SLC25A17: variants seen among roughly 807,000 people sequenced by gnomAD.
SLC25A17 encodes solute carrier family 25 member 17, also known as peroxisomal membrane protein PMP34.
In SLC25A17, 26 loss-of-function variants were observed where a neutral mutation model predicts 38.5. The ratio of observed to expected loss-of-function variants is 0.68; its 90% confidence interval spans 0.50 to 0.94. The LOEUF (loss-of-function observed/expected upper bound fraction) is 0.94. Ranked by LOEUF, SLC25A17 falls within the 40% of genes least tolerant of loss-of-function variation. SLC25A17 has a pLI of 0.00. For synonymous variants in SLC25A17, 139 were observed against 136.2 expected, an observed-to-expected ratio of 1.02 and a Z score of -0.14; for missense variants, 333 against 372.7, an observed-to-expected ratio of 0.89 and a Z score of 0.88.
chr22:40,785,019 G>A (rs151062668), intron 4 of SLC25A17, among the ~76,000 whole-genome samples: 93 of 152,216 alleles, frequency 6.1e-4, no homozygotes, highest in African/African-American at 2.2e-3. Context: ...TCTACCATGT[G>A]ACAGCTCCAG....
intron 4 of SLC25A17, among the ~76,000 whole-genome samples, chr22:40,780,435 T>C (rs2057284028): frequency 6.6e-6 from 1 of 152,236 alleles, no homozygotes; most frequent in African/African-American, 2.4e-5. Context: ...GCATTGCCTA[T>C]AATCTAAAAA....
At chr22:40,803,039 T>C (rs1241240601) in intron 1 of SLC25A17, among the ~76,000 whole-genome samples, 1 of 152,218 alleles carries the variant, frequency 6.6e-6, no homozygotes, top group African/African-American at 2.4e-5. Flanking sequence ...AATCTTCTCT[T>C]CTAGCTATCC....
At chr22:40,816,781 T>C (rs907582264) in intron 1 of SLC25A17, among the ~76,000 whole-genome samples, 17 of 152,080 alleles carry the variant, frequency 1.1e-4, no homozygotes, top group African/African-American at 4.1e-4. Context: ...TGGCTACTTT[T>C]TGTATTTTTA....
intron 4 of SLC25A17, among the ~76,000 whole-genome samples, chr22:40,782,903 AG>A (rs932202590): frequency 1.3e-5 from 2 of 152,228 alleles, no homozygotes; most frequent in Non-Finnish European, 2.9e-5. Context: ...GAAGCTTTAT[AG>A]GCTTGTTTTT....
chr22:40,784,719 A>AGCGGAGATCGAGCC, intron 4 of SLC25A17: 1 of 150,796 alleles, frequency 6.6e-6, no homozygotes, highest in Non-Finnish European at 1.5e-5. Context: ...GGCTGCAGTG[A>AGCGGAGATCGAGCC]ACTATGACTG....
chr22:40,792,256 A>C (rs1002678426), intron 4 of SLC25A17, among the ~76,000 whole-genome samples: 4 of 152,026 alleles, frequency 2.6e-5, no homozygotes, highest in African/African-American at 9.7e-5. Flanking sequence ...AGGGGAGTTT[A>C]ATGAGAATAG....
chr22:40,778,620 A>T (rs1569400322), intron 5 of SLC25A17, among the ~76,000 whole-genome samples: 1 of 152,236 alleles, frequency 6.6e-6, no homozygotes, highest in Non-Finnish European at 1.5e-5. Flanking sequence ...CACAACGTGC[A>T]GGTTTGTTAC....
chr22:40,797,201 T>C, intron 2 of SLC25A17: 1 of 625,624 alleles, frequency 1.6e-6, no homozygotes, highest in South Asian at 1.5e-5. Flanking sequence ...TGTAAAATTA[T>C]TTATCCAAAA....
At chr22:40,771,170 C>A (rs538576431) in intron 8 of SLC25A17, among the ~76,000 whole-genome samples, 189 bp from the exon 9 acceptor site, 2 of 152,188 alleles carry the variant, frequency 1.3e-5, no homozygotes, top group African/African-American at 4.8e-5. Flanking sequence ...TGCAGTGGCG[C>A]GATCTCGGCT....
At chr22:40,779,325 A>C in intron 4 of SLC25A17, 200 bp from the exon 5 acceptor site, 4 of 1,407,836 alleles carry the variant, frequency 2.8e-6, no homozygotes, top group Non-Finnish European at 3.7e-6. Flanking sequence ...TGCTGATAGC[A>C]AAATGGCTGG....
intron 1 of SLC25A17, among the ~76,000 whole-genome samples, chr22:40,815,176 G>T (rs1346312796): frequency 6.6e-6 from 1 of 152,102 alleles, no homozygotes; most frequent in African/African-American, 2.4e-5. Context: ...AGAGGCTGAA[G>T]AAGCTACCAG....
intron 1 of SLC25A17, among the ~76,000 whole-genome samples, chr22:40,801,112 AGAAAAAAATATATTAC>A (rs2057476754): frequency 7.4e-6 from 1 of 135,980 alleles, no homozygotes; most frequent in African/African-American, 2.9e-5. Flanking sequence ...AAAAGAAAAA[AGAAAAAAATATATTAC>A]ATATATATAT....
intron 4 of SLC25A17, chr22:40,788,734 A>G (rs765988953): frequency 4.3e-6 from 1 of 235,220 alleles, no homozygotes; most frequent in Non-Finnish European, 9.0e-6. Flanking sequence ...CAAAACACTG[A>G]AATACTGGAA....
At chr22:40,794,418 G>T in intron 3 of SLC25A17, 96 bp downstream of exon 3, 1 of 722,710 alleles carries the variant, frequency 1.4e-6, no homozygotes, top group Non-Finnish European at 2.4e-6. Flanking sequence ...ACATTAGAGT[G>T]CTGTGAGAAA....
At chr22:40,802,145 A>G (rs2057489897) in intron 1 of SLC25A17, among the ~76,000 whole-genome samples, 1 of 152,148 alleles carries the variant, frequency 6.6e-6, no homozygotes. Context: ...CCAGACAGAA[A>G]AAGTCTAGCC....
At chr22:40,779,354 T>A in intron 4 of SLC25A17, 1 of 1,171,042 alleles carries the variant, frequency 8.5e-7, no homozygotes, top group Non-Finnish European at 1.2e-6. Flanking sequence ...GCTCTCCAGA[T>A]GAAGAGCAAT....
chr22:40,815,716 T>G (rs1486079413), intron 1 of SLC25A17, among the ~76,000 whole-genome samples: 1 of 152,264 alleles, frequency 6.6e-6, no homozygotes, highest in Non-Finnish European at 1.5e-5. Context: ...GAGGCATTGT[T>G]ATTGTCCCTG....
intron 4 of SLC25A17, chr22:40,779,408 T>C (rs2145652950): frequency 1.4e-6 from 1 of 712,174 alleles, no homozygotes. Context: ...TGTCAATTTA[T>C]ATACCATTCA....
At position 40,819,291 on chromosome 22, in the gene SLC25A17, TGCC is replaced by T; in HGVS notation, c.-46_-44del. 6.2e-7 allele frequency: 1 copy of T among 1,608,878 alleles called. No individual in the cohort carries two copies. Among genetic ancestry groups the T allele is most frequent in the Non-Finnish European group, 8.5e-7 (1 of 1,176,294 alleles). On this transcript the variant is annotated 5_prime_UTR_variant, in exon 1 of 9. Transcript: ENST00000435456. The stretch of plus-strand genomic sequence containing the variant: ...GACCCAGCCACACTTTTCCCACAGA[TGCC>T]GCAGCCAGTGGAGTTAGGAAAGGAG...
Sources: allele counts gnomAD v4.1 joint callset (sites outside exome capture counted in the v4.1 genomes callset), GRCh38; gene constraint gnomAD v4.1.1; transcripts MANE v1.5; gene names NCBI Gene and HGNC (gene_info 2026-07-23, HGNC 2026-07-21).